Variants in KNDC1 observed in about 807,000 individuals in gnomAD.
KNDC1 encodes kinase non-catalytic C-lobe domain containing 1.
A neutral mutation model predicts 172.8 loss-of-function variants in KNDC1; 106 were observed. That is an observed-to-expected ratio of 0.61 (90% CI 0.52 to 0.72). KNDC1 has a LOEUF of 0.72. KNDC1 is among the 30% of genes least tolerant of loss of function. The pLI, the probability that KNDC1 is intolerant of heterozygous loss-of-function variation, is 0.00. For missense variants in KNDC1, 2,325 were observed against 2,394.5 expected, an observed-to-expected ratio of 0.97 and a Z score of 0.61; for synonymous variants, 1,083 against 1,062.2, an observed-to-expected ratio of 1.02 and a Z score of -0.38.
At chr10:133,207,430 C>A in intron 20 of KNDC1, 79 bp downstream of exon 20, 1 of 1,329,174 alleles carries the variant, frequency 7.5e-7, no homozygotes, top group Non-Finnish European at 1.1e-6. Context: ...GTGCCCTCGC[C>A]AGTCAGCTAG....
rs1224410544 is a variant in KNDC1 at position 133,163,036 on chromosome 10, G to A, written c.102+2467G>A. ...GGGGGTGATGCAAGGAGGGCTTCCT[G>A]GAGGTGTCCTGCCCGGGATTCCCAT... is the stretch of plus-strand genomic sequence containing the variant. On this transcript the variant is annotated intron_variant, in intron 1 of 29. Transcript: ENST00000304613. The surrounding 1 kb of genome is among the most constrained non-coding windows in gnomAD (Gnocchi z 4.4). Among the ~76,000 whole-genome samples the A allele has an allele frequency of 1.0e-5, 1 of 95,606 alleles. No individual in the cohort carries two copies. The highest frequency in any genetic ancestry group is 3.6e-4 in the South Asian group (1 of 2,808). 62.7% of individuals were successfully genotyped at this position (95,606 alleles called of 152,430 possible).
chr10:133,189,565 T>C (rs1854021064), intron 7 of KNDC1, 33 bp from the exon 8 acceptor site: 13 of 1,603,850 alleles, frequency 8.1e-6, no homozygotes, highest in East Asian at 2.2e-5. Flanking sequence ...CGGGGCAGCA[T>C]GCATACCCGC....
intron 5 of KNDC1, 43 bp from the exon 6 acceptor site, chr10:133,185,931 C>CGGGAG (rs1853895043): frequency 5.9e-6 from 6 of 1,009,622 alleles, no homozygotes; most frequent in East Asian, 3.2e-5. Flanking sequence ...AGGGGAGGGG[C>CGGGAG]GGGAGGGGCA....
At chr10:133,160,679 C>T (rs1852936607) in intron 1 of KNDC1, 110 bp downstream of exon 1, 2 of 650,276 alleles carry the variant, frequency 3.1e-6, no homozygotes, top group Admixed American at 6.6e-5. Flanking sequence ...CCCAGGCGCC[C>T]TCCATGGCCG....
At chr10:133,202,492 C>T (rs942743360) in intron 17 of KNDC1, 15 of 402,310 alleles carry the variant, frequency 3.7e-5, no homozygotes, top group African/African-American at 2.5e-4. Flanking sequence ...CAGTGACCCA[C>T]AGCCCCGACC....
chr10:133,206,506 A>C (rs1845197389), intron 17 of KNDC1, among the ~76,000 whole-genome samples, 179 bp from the exon 18 acceptor site: 4 of 151,642 alleles, frequency 2.6e-5, no homozygotes, highest in African/African-American at 9.7e-5. Context: ...GGCCCCCCAG[A>C]CCACACTGCC....
intron 17 of KNDC1, among the ~76,000 whole-genome samples, chr10:133,205,896 A>G (rs1589766687): frequency 6.6e-6 from 1 of 152,240 alleles, no homozygotes; most frequent in East Asian, 1.9e-4. Flanking sequence ...AATAAAATTA[A>G]AAAGTCAATA....
chr10:133,207,438 T>A (rs2136014119), intron 20 of KNDC1, 87 bp downstream of exon 20: 1 of 1,256,058 alleles, frequency 8.0e-7, no homozygotes, highest in South Asian at 1.3e-5. Flanking sequence ...GCCAGTCAGC[T>A]AGGCTGGGTT....
intron 26 of KNDC1, among the ~76,000 whole-genome samples, chr10:133,215,598 C>A (rs563972826): frequency 6.6e-6 from 1 of 152,260 alleles, no homozygotes; most frequent in Non-Finnish European, 1.5e-5. Context: ...ACGCACGGCC[C>A]GTGTGGCCAG....
chr10:133,224,614 C>A lies in KNDC1; in HGVS notation c.5019-45C>A. The A allele has an allele frequency of 6.7e-7, 1 of 1,497,044 alleles. No homozygotes were observed. The highest frequency in any genetic ancestry group is 9.3e-7 in the Non-Finnish European group (1 of 1,077,630). The allele number at this position is 1,497,044 out of a possible 1,614,324, so 92.7% of individuals were successfully genotyped here. ...GGACTCCCTCCCCACGGAAGCCGCG[C>A]CCCTGCCCTGTGCAAACTAACGTCT... On this transcript the variant is annotated intron_variant, in intron 29 of 29. Coordinates refer to ENST00000304613, the MANE Select transcript of KNDC1 (RefSeq NM_152643.8). The surrounding 1 kb of genome is among the most constrained non-coding windows in gnomAD (Gnocchi z 5.4).
chr10:133,207,222 A>T lies in KNDC1; in HGVS notation c.3665A>T (p.Asp1222Val). The change falls in exon 20 of 30, where the codon GAC (aspartate) becomes GTC (valine). Residue 1222 changes from aspartate to valine, a missense_variant. By Grantham distance (152) the Asp-to-Val change is radical (BLOSUM62 -3). Coordinates refer to ENST00000304613, the MANE Select transcript of KNDC1 (RefSeq NM_152643.8). ...GCGGCCGCACCCTGCGACACGCTGG[A>T]CTTCAGCCCCCTGGACGAGTCCTCC... ...NIAAAPCDTLDFSPLDESSSL... is the reference protein window; with the variant it reads ...NIAAAPCDTLVFSPLDESSSL... 1 of 1,612,698 alleles carries T rather than the reference A, an allele frequency of 6.2e-7. No homozygotes were observed. Among genetic ancestry groups the T allele is most frequent in the Admixed American group, 1.7e-5 (1 of 60,012 alleles).
chr10:133,162,045 A>G (rs7918089), intron 1 of KNDC1, among the ~76,000 whole-genome samples: 94,948 of 152,032 alleles, frequency 0.62, 29,839 homozygotes, highest in Admixed American at 0.72. Context: ...CCGGCACAGT[A>G]CTGGGGTGGG....
At position 133,224,931 on chromosome 10, in the gene KNDC1, A is replaced by G; in HGVS notation, c.*41A>G. The G allele has an allele frequency of 6.6e-7, 1 of 1,512,076 alleles. No individual in the cohort carries two copies. Among genetic ancestry groups the G allele is most frequent in the Non-Finnish European group, 9.1e-7 (1 of 1,093,740 alleles). 93.7% of individuals were successfully genotyped at this position (1,512,076 alleles called of 1,614,324 possible). ...GTGTGGAATTCCAGATCCGAATCCGACTGTGGGGGGCGGGCTGGGAGGTGG... is the reference window on the plus strand; with the variant it reads ...GTGTGGAATTCCAGATCCGAATCCGGCTGTGGGGGGCGGGCTGGGAGGTGG... On this transcript the variant is annotated 3_prime_UTR_variant, in exon 30 of 30. Coordinates refer to ENST00000304613, the MANE Select transcript of KNDC1 (RefSeq NM_152643.8). This position sits in a 1 kb window ranked among gnomAD's most constrained non-coding sequence, Gnocchi z 5.4.
chr10:133,186,432 A>G lies in KNDC1; in HGVS notation c.1084A>G (p.Arg362Gly). The change falls in exon 6 of 30, where the codon AGG becomes GGG. Residue 362 changes from arginine (R) to glycine (G), a missense_variant. Arg to Gly is a moderately radical substitution (Grantham distance 125, BLOSUM62 -2). Coordinates refer to ENST00000304613, the MANE Select transcript of KNDC1 (RefSeq NM_152643.8). ...LSSFQAQPKC[R>G]LWPEQEPEHQ... ...TAGCTTCCAGGCTCAGCCCAAATGC[A>G]GGCTGTGGCCGGAGCAGGAGCCGGA... The G allele has an allele frequency of 6.2e-7, 1 of 1,612,656 alleles. No homozygotes were observed. Among genetic ancestry groups the G allele is most frequent in the Non-Finnish European group, 8.5e-7 (1 of 1,179,896 alleles).
intron 20 of KNDC1, among the ~76,000 whole-genome samples, chr10:133,208,228 C>T (rs1166554784): frequency 2.7e-5 from 4 of 150,894 alleles, no homozygotes; most frequent in African/African-American, 9.7e-5. Flanking sequence ...CCCCCAACCC[C>T]GTTACCCCAA....
In KNDC1 at chr10:133,209,234, G is replaced by A. The variant is rs552617781; in HGVS notation, c.3795-1377G>A. ...TGTGTGGTTGGGTTTTGTGTGGTGC[G>A]TATGCACATGTGTGGTGTGTGGTAT... On this transcript the variant is annotated intron_variant, in intron 20 of 29. Transcript: ENST00000304613. This position sits in a 1 kb window ranked among gnomAD's most constrained non-coding sequence, Gnocchi z 4.9. Among the ~76,000 whole-genome samples, 20 of 150,230 alleles carry A rather than the reference G, an allele frequency of 1.3e-4. No individual in the cohort carries two copies. The South Asian group carries it at 2.6e-3, about 19-fold the overall frequency.
At position 133,207,194 on chromosome 10, in the gene KNDC1, A is replaced by T. The variant is rs1376266074; in HGVS notation, c.3637A>T (p.Ile1213Phe). ...EPCTLPVIVN[I>F]AAAPCDTLDF... ...CTGCACCCTCCCAGTGATCGTGAAC[A>T]TCGCGGCCGCACCCTGCGACACGCT... The change falls in exon 20 of 30, where the codon ATC (isoleucine) becomes TTC (phenylalanine). Residue 1213 changes from isoleucine (I) to phenylalanine (F), a missense_variant. Ile to Phe is a conservative substitution (Grantham distance 21). Transcript: ENST00000304613. 6.2e-7 allele frequency: 1 copy of T among 1,611,068 alleles called. No individual in the cohort carries two copies. Among genetic ancestry groups the T allele is most frequent in the East Asian group, 2.2e-5 (1 of 44,802 alleles).
chr10:133,219,977 T>G lies in KNDC1; in HGVS notation c.4883T>G (p.Leu1628Arg). ...AVEVFLKSDS[L>R]CLMEGRRFRA... ...CAGGTCTTCCTGAAGAGCGACAGCC[T>G]GTGTCTGATGGAAGGGCGGCGCTTC... is the stretch of plus-strand genomic sequence containing the variant. The change falls in exon 29 of 30, where the codon CTG (leucine) becomes CGG (arginine). Residue 1628 changes from leucine (L) to arginine (R), a missense_variant. Physicochemically the swap from Leu to Arg is moderately radical, Grantham distance 102. Coordinates refer to ENST00000304613, the MANE Select transcript of KNDC1 (RefSeq NM_152643.8). The G allele has an allele frequency of 1.9e-6, 3 of 1,552,592 alleles. No homozygotes were observed. Among genetic ancestry groups the G allele is most frequent in the African/African-American group, 2.7e-5 (2 of 73,460 alleles).
rs776858863 is a variant in KNDC1, at chr10:133,212,933, C to T, written c.4443+11C>T. The T allele has an allele frequency of 5.0e-6, 8 of 1,603,880 alleles. No homozygotes were observed. The highest frequency in any genetic ancestry group is 4.5e-5 in the East Asian group (2 of 44,718). ...ACGCTGCTACAGCAGGTGAGGAGGG[C>T]GAGGATCTGCGCCCAGGTCACCTGC... On this transcript the variant is annotated intron_variant, in intron 24 of 29. Coordinates refer to ENST00000304613, the MANE Select transcript of KNDC1 (RefSeq NM_152643.8).
Sources: allele counts gnomAD v4.1 joint callset (sites outside exome capture counted in the v4.1 genomes callset), GRCh38; gene constraint gnomAD v4.1.1; non-coding constraint Gnocchi (gnomAD v3.1); transcripts MANE v1.5; gene names NCBI Gene and HGNC (gene_info 2026-07-23, HGNC 2026-07-21).